Variants in ALMS1 observed in about 807,000 individuals in gnomAD.
The protein encoded by ALMS1 is centrosome-associated protein ALMS1.
ALMS1 carries 271 observed loss-of-function variants against 352.2 expected under a neutral mutation model. That is an observed-to-expected ratio of 0.77 (90% CI 0.70 to 0.85). The LOEUF is 0.85. Ranked by LOEUF, ALMS1 falls within the 40% of genes least tolerant of loss-of-function variation. The pLI, the probability that ALMS1 is intolerant of heterozygous loss-of-function variation, is 0.00. For missense variants in ALMS1, 5,445 were observed against 4,870.7 expected, an observed-to-expected ratio of 1.12 and a Z score of -3.51; for synonymous variants, 1,865 against 1,761.2, an observed-to-expected ratio of 1.06 and a Z score of -1.48.
chr2:73,401,499 C>A (rs1174624127), intron 1 of ALMS1, among the ~76,000 whole-genome samples: 9 of 152,096 alleles, frequency 5.9e-5, no homozygotes, highest in Non-Finnish European at 1.0e-4. Flanking sequence ...TTTAGAAATA[C>A]ACTGTTTAAC....
intron 9 of ALMS1, among the ~76,000 whole-genome samples, chr2:73,465,453 G>A (rs1400901160): frequency 1.3e-5 from 2 of 152,286 alleles, no homozygotes; most frequent in East Asian, 3.9e-4. Flanking sequence ...AGCTGAAACT[G>A]GATCCCTTCC....
In ALMS1 at chr2:73,489,888, G is replaced by T; in HGVS notation, c.7929G>T (p.Trp2643Cys). 6.2e-7 allele frequency: 1 copy of T among 1,614,134 alleles called. No homozygotes were observed. The highest frequency in any genetic ancestry group is 1.6e-4 in the Middle Eastern group (1 of 6,062). The change falls in exon 10 of 23, where the codon TGG (tryptophan) becomes TGT (cysteine). Residue 2643 changes from tryptophan to cysteine, a missense_variant. Trp to Cys is a radical substitution (Grantham distance 215). Coordinates refer to ENST00000613296, the MANE Select transcript of ALMS1 (RefSeq NM_001378454.1). ...LDQNNSHFKV[W>C]NSLQLKSHSP... ...AGAACAACTCCCATTTCAAAGTTTG[G>T]AATTCCTTGCAGTTAAAAAGTCATT...
At chr2:73,514,469 T>A (rs566068740) in intron 10 of ALMS1, among the ~76,000 whole-genome samples, 1 of 152,314 alleles carries the variant, frequency 6.6e-6, no homozygotes, top group African/African-American at 2.4e-5. Context: ...TTTGTGCTTT[T>A]GTTGTCATAT....
In ALMS1 at chr2:73,448,150, A is replaced by G. The variant is rs893593330; in HGVS notation, c.1623A>G (p.Thr541=). The change falls in exon 8 of 23, where the codon ACA becomes ACG. Residue 541 remains threonine, a synonymous_variant. Transcript: ENST00000613296. The part of the protein sequence containing the change: ...GQHTDTLNQK[T]LADTHLTEET... ...ACACTGATACTCTCAACCAAAAGAC[A>G]TTAGCAGATACTCATCTAACTGAAG... 9.3e-6 allele frequency: 15 copies of G among 1,613,924 alleles called. No individual in the cohort carries two copies. Among genetic ancestry groups the G allele is most frequent in the Non-Finnish European group, 1.1e-5 (13 of 1,179,946 alleles).
Position 73,404,899 on chromosome 2 carries a change from C to CTTTT in ALMS1, c.325-3696_325-3693dup, listed in dbSNP as rs58122480. On this transcript the variant is annotated intron_variant, in intron 1 of 22. Coordinates refer to ENST00000613296, the MANE Select transcript of ALMS1 (RefSeq NM_001378454.1). The stretch of plus-strand genomic sequence containing the variant: ...CCAGTGAAGCTTTCTTGTCCTGGAC[C>CTTTT]TTTTTTTTTTTTTTTTTTTTTTTTT... Among the ~76,000 whole-genome samples the CTTTT allele has an allele frequency of 3.9e-3, 238 of 60,776 alleles. 44 individuals carry two copies. The highest frequency in any genetic ancestry group is 5.2e-3 in the Non-Finnish European group (185 of 35,744). The allele number at this position is 60,776 out of a possible 152,430, so 39.9% of individuals were successfully genotyped here.
At chr2:73,602,593 A>G (rs909862171) in intron 20 of ALMS1, among the ~76,000 whole-genome samples, 1 of 152,240 alleles carries the variant, frequency 6.6e-6, no homozygotes, top group Admixed American at 6.5e-5. Context: ...CTGTCACTGC[A>G]TCGTAAACCA....
At chr2:73,526,684 T>C (rs569108184) in intron 11 of ALMS1, among the ~76,000 whole-genome samples, 1 of 152,300 alleles carries the variant, frequency 6.6e-6, no homozygotes, top group East Asian at 1.9e-4. Context: ...GGCTCTAGGT[T>C]TTTACAAATA....
At chr2:73,549,303 A>AT (rs1194749807) in intron 12 of ALMS1, among the ~76,000 whole-genome samples, 6 of 152,136 alleles carry the variant, frequency 3.9e-5, no homozygotes, top group African/African-American at 1.4e-4. Flanking sequence ...ATCATCTGTC[A>AT]TTTTCCATTC....
chr2:73,483,563 G>C (rs888009212), intron 9 of ALMS1, among the ~76,000 whole-genome samples: 5 of 151,856 alleles, frequency 3.3e-5, no homozygotes, highest in East Asian at 1.9e-4. Flanking sequence ...ATTTGGGGTG[G>C]AGAGTTCTGT....
chr2:73,525,700 G>C (rs1673776691), intron 11 of ALMS1, among the ~76,000 whole-genome samples: 1 of 151,972 alleles, frequency 6.6e-6, no homozygotes, highest in East Asian at 1.9e-4. Context: ...CAGATGGATA[G>C]TTTGCAAATG....
In ALMS1 at chr2:73,552,660, GC is replaced by G. The variant is rs545891876; in HGVS notation, c.10078+2226del. On this transcript the variant is annotated intron_variant, in intron 13 of 22. Transcript: ENST00000613296. ...TACAGACTTTGCATCCTAAGGAAAA[GC>G]CCTCCTCCTGGCTTAGTCCTTAGTA... is the stretch of plus-strand genomic sequence containing the variant. Among the ~76,000 whole-genome samples the G allele has an allele frequency of 9.2e-5, 14 of 152,314 alleles. No individual in the cohort carries two copies. In the East Asian group the frequency reaches 2.7e-3, roughly 29 times the overall value.
rs189851617 is a variant in ALMS1, at chr2:73,601,290, C to T, written c.11968C>T (p.Pro3990Ser). 6.2e-7 allele frequency: 1 copy of T among 1,614,176 alleles called. No homozygotes were observed. The highest frequency in any genetic ancestry group is 1.7e-5 in the Admixed American group (1 of 60,024). The change falls in exon 19 of 23, where the codon CCA (proline) becomes TCA (serine). Residue 3990 changes from proline to serine, a missense_variant. Transcript: ENST00000613296. ...TGGCCCTGGCATCTCCTGGTTTGAA[C>T]CAATAACCAAGACCAGACCCTGGAG... is the stretch of plus-strand genomic sequence containing the variant. The part of the protein sequence containing the change: ...TCGPGISWFE[P>S]ITKTRPWREP...
In ALMS1 at chr2:73,491,170, T is replaced by C. The variant is rs2103895155; in HGVS notation, c.9211T>C (p.Leu3071=). The C allele has an allele frequency of 6.2e-7, 1 of 1,614,216 alleles. No individual in the cohort carries two copies. The highest frequency in any genetic ancestry group is 8.5e-7 in the Non-Finnish European group (1 of 1,180,030). ...SGTLDERFHS[L]DAASKARMNS... ...AACTTTAGATGAAAGATTCCATTCA[T>C]TGGATGCTGCTTCTAAAGCGAGGAT... The change falls in exon 10 of 23, where the codon TTG becomes CTG. Residue 3071 remains leucine (L), a synonymous_variant. Transcript: ENST00000613296.
At chr2:73,502,166 G>A (rs1673232226) in intron 10 of ALMS1, among the ~76,000 whole-genome samples, 1 of 151,968 alleles carries the variant, frequency 6.6e-6, no homozygotes, top group Admixed American at 6.6e-5. Flanking sequence ...TGCCTACTGT[G>A]GGATGTTTTA....
At chr2:73,544,315 A>G (rs1573008811) in intron 12 of ALMS1, among the ~76,000 whole-genome samples, 1 of 152,168 alleles carries the variant, frequency 6.6e-6, no homozygotes, top group Non-Finnish European at 1.5e-5. Flanking sequence ...GAATTGAACA[A>G]TGAGAACACA....
chr2:73,492,683 G>A (rs77354550), intron 10 of ALMS1, among the ~76,000 whole-genome samples: 1,705 of 152,258 alleles, frequency 0.011, 31 homozygotes, highest in African/African-American at 0.038. Flanking sequence ...AAAAAAACAA[G>A]GTCAATCTCT....
chr2:73,458,840 T>C (rs1672127848), intron 9 of ALMS1: 1 of 152,178 alleles, frequency 6.6e-6, no homozygotes, highest in Non-Finnish European at 1.5e-5. Context: ...CAAAGAGATA[T>C]TTTGGAAAAT....
chr2:73,592,633 C>T (rs1449671218), intron 16 of ALMS1, among the ~76,000 whole-genome samples: 1 of 152,188 alleles, frequency 6.6e-6, no homozygotes, highest in Non-Finnish European at 1.5e-5. Flanking sequence ...CCAGCAGTAC[C>T]AATCCTCCTG....
intron 15 of ALMS1, among the ~76,000 whole-genome samples, chr2:73,571,410 A>G (rs142594169): frequency 2.0e-5 from 3 of 152,286 alleles, no homozygotes; most frequent in African/African-American, 2.4e-5. Flanking sequence ...GCACCAGCAG[A>G]TTGGGTGTCT....
Sources: allele counts gnomAD v4.1 joint callset (sites outside exome capture counted in the v4.1 genomes callset), GRCh38; gene constraint gnomAD v4.1.1; transcripts MANE v1.5; gene names NCBI Gene and HGNC (gene_info 2026-07-23, HGNC 2026-07-21).